PAM: variants seen among roughly 807,000 people sequenced by gnomAD.
PAM encodes the protein peptidylglycine alpha-amidating monooxygenase, also known as peptidyl-glycine alpha-amidating monooxygenase.
A neutral mutation model predicts 122.1 loss-of-function variants in PAM; 72 were observed. The observed-to-expected ratio is 0.59, with a 90% confidence interval of 0.49 to 0.72. The LOEUF (loss-of-function observed/expected upper bound fraction) is 0.72, where lower values mean the gene tolerates loss of function less well. Ranked by LOEUF, PAM falls within the 30% of genes least tolerant of loss-of-function variation. The pLI is 0.00. For synonymous variants in PAM, 389 were observed against 404.4 expected (o/e 0.96, Z 0.46); for missense variants, 1,106 against 1,183.7 (o/e 0.93, Z 0.96).
intron 3 of PAM, among the ~76,000 whole-genome samples, chr5:102,888,419 T>G (rs976519331): frequency 6.6e-6 from 1 of 152,008 alleles, no homozygotes; most frequent in Admixed American, 6.6e-5. Flanking sequence ...ACATCACATT[T>G]AAACAGATCT....
chr5:102,764,333 A>G (rs1174042106), intron 1 of PAM, among the ~76,000 whole-genome samples: 2 of 151,690 alleles, frequency 1.3e-5, no homozygotes, highest in Non-Finnish European at 2.9e-5. Flanking sequence ...CCTGTAAAGA[A>G]AAATTAGGCA....
intron 15 of PAM, among the ~76,000 whole-genome samples, chr5:102,977,030 A>G (rs1767902515): frequency 1.3e-5 from 2 of 152,110 alleles, no homozygotes; most frequent in African/African-American, 4.8e-5. Flanking sequence ...ATCTAATACA[A>G]TGGTGTTTTC....
At chr5:102,758,634 A>G (rs1210806719) in intron 1 of PAM, among the ~76,000 whole-genome samples, 5 of 152,186 alleles carry the variant, frequency 3.3e-5, no homozygotes, top group Non-Finnish European at 2.9e-5. Flanking sequence ...CCTACAATTT[A>G]CTGTGTTGTG....
chr5:103,021,735 A>G (rs934681385), intron 23 of PAM, among the ~76,000 whole-genome samples: 3 of 152,186 alleles, frequency 2.0e-5, no homozygotes, highest in Non-Finnish European at 4.4e-5. Flanking sequence ...CTTATTACAA[A>G]GGGAATGTAA....
rs150582960 is a variant in PAM at position 102,946,814 on chromosome 5, T to G, written c.527-23T>G. On this transcript the variant is annotated intron_variant, in intron 7 of 25. Transcript: ENST00000438793. ...TTTCTACATTATCATATTTAAGATA[T>G]GTGTTTCTATGTGTGTTTTCAGATA... 1.2e-5 allele frequency: 18 copies of G among 1,443,562 alleles called. 1 individual carries two copies. The African/African-American group carries it at 2.4e-4, about 19-fold the overall frequency. The allele number at this position is 1,443,562 out of a possible 1,614,324, so 89.4% of individuals were successfully genotyped here.
chr5:102,955,135 G>A (rs775600250), intron 12 of PAM, among the ~76,000 whole-genome samples: 39 of 151,954 alleles, frequency 2.6e-4, no homozygotes, highest in Non-Finnish European at 4.1e-4. Flanking sequence ...GAATATAAAC[G>A]GGGTAGAGGT....
At chr5:102,898,756 T>C (rs970798448) in intron 3 of PAM, among the ~76,000 whole-genome samples, 2 of 151,660 alleles carry the variant, frequency 1.3e-5, no homozygotes, top group Admixed American at 1.3e-4. Flanking sequence ...TAAAATTGTG[T>C]CTAAGAACTG....
intron 4 of PAM, among the ~76,000 whole-genome samples, chr5:102,902,881 T>A (rs1798400023): frequency 6.6e-6 from 1 of 151,528 alleles, no homozygotes; most frequent in Non-Finnish European, 1.5e-5. Context: ...TAGGTTTGTT[T>A]CTGGAGATTG....
intron 15 of PAM, chr5:102,987,541 T>C: frequency 2.2e-6 from 1 of 456,130 alleles, no homozygotes; most frequent in Non-Finnish European, 4.4e-6. Flanking sequence ...TATGAAATGT[T>C]TCCAGTGCAA....
At chr5:102,899,337 T>C (rs936457193) in intron 3 of PAM, among the ~76,000 whole-genome samples, 2 of 151,572 alleles carry the variant, frequency 1.3e-5, no homozygotes, top group African/African-American at 4.8e-5. Flanking sequence ...GTGACCATCA[T>C]TGACTTAATT....
At chr5:102,913,829 A>G (rs916684161) in intron 4 of PAM, 105 bp from the exon 5 acceptor site, 1 of 671,376 alleles carries the variant, frequency 1.5e-6, no homozygotes, top group Non-Finnish European at 2.7e-6. Context: ...ACATCAAAAC[A>G]TCTTTGTTAT....
intron 3 of PAM, among the ~76,000 whole-genome samples, chr5:102,897,834 C>T (rs1280368645): frequency 6.6e-6 from 1 of 151,466 alleles, no homozygotes; most frequent in Non-Finnish European, 1.5e-5. Context: ...TTTGGTTTCC[C>T]CAAACAAAAA....
At chr5:102,760,115 G>T (rs903785813) in intron 1 of PAM, among the ~76,000 whole-genome samples, 3 of 152,178 alleles carry the variant, frequency 2.0e-5, no homozygotes, top group Non-Finnish European at 4.4e-5. Flanking sequence ...AAAGACATTT[G>T]TATGGTAGAT....
intron 23 of PAM, among the ~76,000 whole-genome samples, chr5:103,022,631 A>C (rs1203127105): frequency 3.9e-5 from 6 of 152,154 alleles, no homozygotes; most frequent in African/African-American, 7.2e-5. Context: ...TGTTCATTCT[A>C]CCCAGAATAC....
At chr5:103,003,517 C>T (rs1450540867) in intron 17 of PAM, among the ~76,000 whole-genome samples, 1 of 152,108 alleles carries the variant, frequency 6.6e-6, no homozygotes, top group Admixed American at 6.6e-5. Flanking sequence ...TTGATTTAAT[C>T]TCTCCACATT....
chr5:102,983,698 T>G (rs1299468386), intron 15 of PAM, among the ~76,000 whole-genome samples: 4 of 152,074 alleles, frequency 2.6e-5, no homozygotes, highest in Non-Finnish European at 5.9e-5. Flanking sequence ...GATCCCCAAA[T>G]AGCTTCAACG....
chr5:102,755,167 C>G (rs1024742504), upstream of PAM: 2 of 152,386 alleles, frequency 1.3e-5, no homozygotes. Flanking sequence ...GAGTCGAGGG[C>G]GAGCGGCGGA....
chr5:102,998,710 G>A (rs975517928), intron 16 of PAM, among the ~76,000 whole-genome samples: 1 of 152,050 alleles, frequency 6.6e-6, no homozygotes. Flanking sequence ...TCTTACAACT[G>A]AATATGCATC....
chr5:102,846,816 A>G lies in PAM; in HGVS notation c.-373-19007A>G, dbSNP rs535524428. ...GTTCTGGCTTCTCAGTTCTTCTGTC[A>G]CTTTAGCTTGCTCGTAGCTTTGCTT... On this transcript the variant is annotated intron_variant, in intron 1 of 25. Transcript: ENST00000438793. Among the ~76,000 whole-genome samples, 15 of 152,216 alleles carry G rather than the reference A, an allele frequency of 9.9e-5. No individual in the cohort carries two copies. In the East Asian group the frequency reaches 2.9e-3, roughly 29 times the overall value.
Sources: gnomAD v4.1 joint callset for allele counts (sites outside exome capture counted in the v4.1 genomes callset) on GRCh38, gnomAD v4.1.1 for gene constraint, MANE v1.5 for transcripts, NCBI Gene and HGNC (gene_info 2026-07-23, HGNC 2026-07-21) for gene names.